The following PBX1 variants were observed in gnomAD, a reference collection of about 807,000 sequenced individuals.
The protein encoded by PBX1 is PBX homeobox 1, also known as pre-B-cell leukemia transcription factor 1.
A neutral mutation model predicts 53.4 loss-of-function variants in PBX1; 6 were observed. The observed-to-expected ratio is 0.11, with a 90% CI of 0.06 to 0.22. The LOEUF is 0.22. Ranked by LOEUF, PBX1 falls within the 10% of genes least tolerant of loss-of-function variation. PBX1 has a pLI of 1.00. For synonymous variants in PBX1, 204 were observed against 212.3 expected, an observed-to-expected ratio of 0.96 and a Z score of 0.34; for missense variants, 251 against 551.4, an observed-to-expected ratio of 0.46 and a Z score of 5.46.
At chr1:164,757,448 T>C (rs1005501477) in intron 2 of PBX1, among the ~76,000 whole-genome samples, 3 of 152,222 alleles carry the variant, frequency 2.0e-5, no homozygotes, top group Admixed American at 6.5e-5. Flanking sequence ...TGTCTGAAGT[T>C]TGACCAGATA....
At chr1:164,716,372 A>C (rs1424786203) in intron 2 of PBX1, among the ~76,000 whole-genome samples, 1 of 152,190 alleles carries the variant, frequency 6.6e-6, no homozygotes, top group Non-Finnish European at 1.5e-5. Flanking sequence ...TTGAAAAATT[A>C]GGCAATTTAG....
intron 5 of PBX1, among the ~76,000 whole-genome samples, chr1:164,811,115 A>G (rs943844715): frequency 2.2e-4 from 33 of 152,162 alleles, no homozygotes; most frequent in African/African-American, 7.7e-4. Flanking sequence ...AAACATCGAC[A>G]TTTTAGTTCA....
At chr1:164,853,125 C>T (rs2102433395), downstream of PBX1, among the ~76,000 whole-genome samples, 1 of 152,340 alleles carries the variant, frequency 6.6e-6, no homozygotes, top group Non-Finnish European at 1.5e-5. Context: ...GCTGCTTCTA[C>T]TCTGTGGCTC....
chr1:164,686,256 C>A (rs1023624678), intron 2 of PBX1, among the ~76,000 whole-genome samples: 7 of 152,196 alleles, frequency 4.6e-5, no homozygotes, highest in Admixed American at 2.6e-4. Context: ...TCACCTGGAA[C>A]CTGTGAGTAT....
At chr1:164,839,303 T>A (rs1671183995) in intron 8 of PBX1, among the ~76,000 whole-genome samples, 1 of 152,366 alleles carries the variant, frequency 6.6e-6, no homozygotes, top group African/African-American at 2.4e-5. Flanking sequence ...AAGATTTTTT[T>A]AACTTATTTT....
chr1:164,602,139 G>C (rs1174844667), intron 2 of PBX1, among the ~76,000 whole-genome samples: 1 of 152,112 alleles, frequency 6.6e-6, no homozygotes, highest in Non-Finnish European at 1.5e-5. Flanking sequence ...CTTCACTGTG[G>C]CCTTGGGAGA....
intron 2 of PBX1, among the ~76,000 whole-genome samples, chr1:164,635,434 T>C (rs1244368014): frequency 6.6e-6 from 1 of 152,198 alleles, no homozygotes; most frequent in African/African-American, 2.4e-5. Context: ...ATTAATATAC[T>C]CTACTTAAAC....
chr1:164,722,612 TCTC>T (rs879804791), intron 2 of PBX1, among the ~76,000 whole-genome samples: 2 of 152,162 alleles, frequency 1.3e-5, no homozygotes, highest in Non-Finnish European at 2.9e-5. Context: ...TCTCTCTCCC[TCTC>T]CTCCTCTCTC....
At chr1:164,771,412 G>A (rs1667364920) in intron 2 of PBX1, 1 of 151,690 alleles carries the variant, frequency 6.6e-6, no homozygotes, top group African/African-American at 2.4e-5. Context: ...TTACCTTTTT[G>A]CCTATCTGCC....
chr1:164,687,561 T>TTA (rs1491270071), intron 2 of PBX1, among the ~76,000 whole-genome samples: 15 of 110,480 alleles, frequency 1.4e-4, no homozygotes, highest in Admixed American at 1.2e-3. Flanking sequence ...AGACCTTGTC[T>TTA]AAAAAAAAAA....
At chr1:164,824,185 C>T (rs1304130736) in intron 8 of PBX1, among the ~76,000 whole-genome samples, 9 of 152,200 alleles carry the variant, frequency 5.9e-5, no homozygotes, top group Non-Finnish European at 1.0e-4. Context: ...TGGGCTTTCA[C>T]AGCACCCATA....
Position 164,847,515 on chromosome 1 carries a change from C to T in PBX1, c.*839C>T. 9.4e-7 allele frequency: 1 copy of T among 1,061,866 alleles called. No homozygotes were observed. Among genetic ancestry groups the T allele is most frequent in the Non-Finnish European group, 1.1e-6 (1 of 877,140 alleles). 65.8% of individuals were successfully genotyped at this position (1,061,866 alleles called of 1,614,324 possible). On this transcript the variant is annotated 3_prime_UTR_variant, in exon 9 of 9. Transcript: ENST00000420696. ...AGCACTGAGAAAGCAATATTTAGAA[C>T]CTATTGCAAAACTGGGCCTGAGTTA...
Position 164,847,044 on chromosome 1 carries a change from G to T in PBX1, c.*368G>T, listed in dbSNP as rs1198670922. 1 of 1,120,880 alleles carries T rather than the reference G, an allele frequency of 8.9e-7. No individual in the cohort carries two copies. The highest frequency in any genetic ancestry group is 1.1e-6 in the Non-Finnish European group (1 of 912,442). 69.4% of individuals were successfully genotyped at this position (1,120,880 alleles called of 1,614,324 possible). ...ATTTAAAGAGGAAAAAAATTACAAA[G>T]AAAATAATAAAAGTGTTTGTACGTT... is the stretch of plus-strand genomic sequence containing the variant. On this transcript the variant is annotated 3_prime_UTR_variant, in exon 9 of 9. Transcript: ENST00000420696.
chr1:164,733,633 C>T (rs966263616), intron 2 of PBX1, among the ~76,000 whole-genome samples: 1 of 152,064 alleles, frequency 6.6e-6, no homozygotes, highest in African/African-American at 2.4e-5. Flanking sequence ...AACCTGTTTA[C>T]CTGTTTGCAC....
intron 2 of PBX1, among the ~76,000 whole-genome samples, chr1:164,639,389 T>C (rs925060965): frequency 2.6e-5 from 4 of 152,212 alleles, no homozygotes; most frequent in Non-Finnish European, 5.9e-5. Context: ...CTCTCTCCTT[T>C]TGATGCTGGG....
In PBX1 at chr1:164,763,083, A is replaced by G. The variant is rs900792099; in HGVS notation, c.266-29411A>G. Among the ~76,000 whole-genome samples the G allele has an allele frequency of 3.3e-5, 5 of 152,204 alleles. No homozygotes were observed. The South Asian group carries it at 1.0e-3, about 31-fold the overall frequency. On this transcript the variant is annotated intron_variant, in intron 2 of 8. Transcript: ENST00000420696. ...TGTGAAAACAAACCCAGAGAGGTTA[A>G]ACAGTCAAAATCACAATTCAAGTCC...
At chr1:164,668,808 A>C (rs1204352568) in intron 2 of PBX1, among the ~76,000 whole-genome samples, 1 of 152,188 alleles carries the variant, frequency 6.6e-6, no homozygotes, top group South Asian at 2.1e-4. Context: ...AATGATATGT[A>C]AATATCCTTG....
chr1:164,645,565 A>G (rs1175256740), intron 2 of PBX1, among the ~76,000 whole-genome samples: 1 of 152,268 alleles, frequency 6.6e-6, no homozygotes, highest in South Asian at 2.1e-4. Context: ...GGGGTGATCA[A>G]AAAGAACTTG....
At chr1:164,735,842 A>T (rs562755455) in intron 2 of PBX1, among the ~76,000 whole-genome samples, 1 of 152,312 alleles carries the variant, frequency 6.6e-6, no homozygotes, top group East Asian at 1.9e-4. Flanking sequence ...AGACAGTATT[A>T]TCTATGGTGA....
Sources: allele counts gnomAD v4.1 joint callset (sites outside exome capture counted in the v4.1 genomes callset), GRCh38; gene constraint gnomAD v4.1.1; transcripts MANE v1.5; gene names NCBI Gene and HGNC (gene_info 2026-07-23, HGNC 2026-07-21).